The following CLSTN1 variants were observed in gnomAD, a reference collection of about 807,000 sequenced individuals.
The protein encoded by CLSTN1 is calsyntenin-1.
CLSTN1 carries 28 observed loss-of-function variants against 108.3 expected under a neutral mutation model. The observed-to-expected ratio is 0.26, with a 90% confidence interval of 0.19 to 0.35. CLSTN1 has a LOEUF of 0.35. CLSTN1 is among the 10% of genes least tolerant of loss of function. The pLI, the probability that CLSTN1 is intolerant of heterozygous loss-of-function variation, is 1.00. For synonymous variants in CLSTN1, 524 were observed against 534.9 expected, an observed-to-expected ratio of 0.98 and a Z score of 0.28; for missense variants, 1,157 against 1,302.6, an observed-to-expected ratio of 0.89 and a Z score of 1.72.
In CLSTN1 at chr1:9,730,744, GC is replaced by G; in HGVS notation, c.2749-40del. On this transcript the variant is annotated intron_variant, in intron 18 of 18. Transcript: ENST00000377298. The surrounding 1 kb of genome is among the most constrained non-coding windows in gnomAD (Gnocchi z 5.6). ...GTGACGGCCACATGAGTCCGGCCCT[GC>G]CCACAGCCCCGTCACCTGGCATTCT... 6.5e-7 allele frequency: 1 copy of G among 1,537,450 alleles called. No homozygotes were observed.
intron 7 of CLSTN1, 102 bp from the exon 8 acceptor site, chr1:9,744,745 G>T: frequency 7.4e-7 from 1 of 1,356,068 alleles, no homozygotes; most frequent in Non-Finnish European, 9.7e-7. Context: ...CAATCTGCTG[G>T]CTCCAGTTTA....
chr1:9,771,081 G>A (rs1485896527), intron 2 of CLSTN1, among the ~76,000 whole-genome samples: 1 of 152,198 alleles, frequency 6.6e-6, no homozygotes, highest in Non-Finnish European at 1.5e-5. Context: ...CAGGACTGCT[G>A]ATACTTCAAA....
At chr1:9,768,718 C>T (rs1652497870) in intron 2 of CLSTN1, among the ~76,000 whole-genome samples, 1 of 71,438 alleles carries the variant, frequency 1.4e-5, no homozygotes, top group Non-Finnish European at 2.6e-5. Context: ...CTGGGTGGCA[C>T]CATGGGGGTG....
At chr1:9,815,659 G>A (rs546881622) in intron 1 of CLSTN1, among the ~76,000 whole-genome samples, 56 of 152,270 alleles carry the variant, frequency 3.7e-4, no homozygotes, top group African/African-American at 1.3e-3. Context: ...AACACAGGCC[G>A]GGCATAGTGC....
chr1:9,761,067 A>C (rs1652048717), intron 2 of CLSTN1, among the ~76,000 whole-genome samples: 1 of 151,972 alleles, frequency 6.6e-6, no homozygotes, highest in African/African-American at 2.4e-5. Flanking sequence ...AGCTGAAGAC[A>C]CCCAACCAGG....
intron 5 of CLSTN1, 93 bp downstream of exon 5, chr1:9,751,380 A>G (rs1262616314): frequency 3.3e-6 from 4 of 1,210,606 alleles, no homozygotes; most frequent in Non-Finnish European, 4.8e-6. Flanking sequence ...GAGTTCCATG[A>G]AGTTCTGACG....
At chr1:9,746,096 C>T (rs998575831) in intron 7 of CLSTN1, among the ~76,000 whole-genome samples, 4 of 152,106 alleles carry the variant, frequency 2.6e-5, no homozygotes, top group Non-Finnish European at 5.9e-5. Flanking sequence ...ACAGATACAG[C>T]ATCACCTACT....
chr1:9,797,882 C>A (rs1179440177), intron 1 of CLSTN1, among the ~76,000 whole-genome samples: 1 of 151,684 alleles, frequency 6.6e-6, no homozygotes, highest in Non-Finnish European at 1.5e-5. Context: ...TCACTTGCGA[C>A]CAGGAGTTCG....
rs781523619 is a variant in CLSTN1, at chr1:9,731,248, G to A, written c.2706C>T (p.Asp902=). Residue 902 remains aspartate (D), a synonymous_variant, in exon 18 of 19, where the codon GAC becomes GAT. Coordinates refer to ENST00000377298, the MANE Select transcript of CLSTN1 (RefSeq NM_001009566.3). ...TGATGGTCAGGGCAGAGTCGTCCCA[G>A]TCCATCTCGTTCTCCTTCCCGGTGT... ...DQDTGKENEM[D]WDDSALTITV... is the part of the protein sequence containing the mutation. The A allele has an allele frequency of 6.2e-7, 1 of 1,614,244 alleles. No individual in the cohort carries two copies. The highest frequency in any genetic ancestry group is 1.1e-5 in the South Asian group (1 of 91,084).
chr1:9,784,006 T>C (rs1653366910), intron 1 of CLSTN1, among the ~76,000 whole-genome samples: 1 of 149,366 alleles, frequency 6.7e-6, no homozygotes, highest in South Asian at 2.1e-4. Context: ...AAAATAATAA[T>C]AATAATAATA....
intron 2 of CLSTN1, among the ~76,000 whole-genome samples, chr1:9,770,701 C>T (rs191481435): frequency 2.6e-5 from 4 of 152,310 alleles, no homozygotes; most frequent in African/African-American, 9.6e-5. Flanking sequence ...TTTATAAGTG[C>T]ATGCATTATT....
At chr1:9,812,418 GC>G (rs1227834269) in intron 1 of CLSTN1, among the ~76,000 whole-genome samples, 1 of 152,190 alleles carries the variant, frequency 6.6e-6, no homozygotes, top group African/African-American at 2.4e-5. Flanking sequence ...AGGACAAGCA[GC>G]TCTGGTGAAA....
At chr1:9,756,754 A>G (rs1289030644) in intron 2 of CLSTN1, among the ~76,000 whole-genome samples, 1 of 152,108 alleles carries the variant, frequency 6.6e-6, no homozygotes, top group Non-Finnish European at 1.5e-5. Context: ...TCCTACATGA[A>G]GTGTCCTAAC....
intron 10 of CLSTN1, among the ~76,000 whole-genome samples, chr1:9,739,388 G>A (rs1351137002): frequency 6.6e-6 from 1 of 152,148 alleles, no homozygotes; most frequent in Non-Finnish European, 1.5e-5. Context: ...TACCACTGGT[G>A]TTACTGTTTC....
At position 9,731,118 on chromosome 1, in the gene CLSTN1, G is replaced by A. The variant is rs1261757233; in HGVS notation, c.2748+88C>T. Reference sequence around the variant, plus strand: ...GCAGATGACGCGATGGAAAGCATGTGAACCTGAAGGAGCCGCGCCGTACCG... The same window carrying A: ...GCAGATGACGCGATGGAAAGCATGTAAACCTGAAGGAGCCGCGCCGTACCG... On this transcript the variant is annotated intron_variant, in intron 18 of 18. Coordinates refer to ENST00000377298, the MANE Select transcript of CLSTN1 (RefSeq NM_001009566.3). 2.0e-6 allele frequency: 3 copies of A among 1,477,522 alleles called. No homozygotes were observed. In the East Asian group the frequency reaches 6.8e-5, roughly 34 times the overall value. The allele number at this position is 1,477,522 out of a possible 1,614,324, so 91.5% of individuals were successfully genotyped here.
At chr1:9,773,422 G>C (rs1208008156) in intron 1 of CLSTN1, 28 bp from the exon 2 acceptor site, 2 of 1,569,240 alleles carry the variant, frequency 1.3e-6, no homozygotes, top group Non-Finnish European at 1.7e-6. Context: ...GAAAAAAATA[G>C]ACAAGGTTAG....
intron 1 of CLSTN1, among the ~76,000 whole-genome samples, chr1:9,779,277 T>C (rs1293367056): frequency 6.6e-6 from 1 of 152,064 alleles, no homozygotes. Context: ...ATTATCTTTT[T>C]AAAAAAATTT....
At chr1:9,741,883 G>A (rs1443616327) in intron 9 of CLSTN1, among the ~76,000 whole-genome samples, 3 of 152,234 alleles carry the variant, frequency 2.0e-5, no homozygotes, top group Non-Finnish European at 4.4e-5. Flanking sequence ...CTGCACTCCA[G>A]CCTGGGTGAC....
At chr1:9,753,942 AGCTGAGACCACAG>A (rs1374167174) in intron 4 of CLSTN1, among the ~76,000 whole-genome samples, 1 of 151,994 alleles carries the variant, frequency 6.6e-6, no homozygotes, top group Non-Finnish European at 1.5e-5. Context: ...CCTCCCAAGT[AGCTGAGACCACAG>A]GCATGTGCCA....
Sources: gnomAD v4.1 joint callset for allele counts (sites outside exome capture counted in the v4.1 genomes callset) on GRCh38, gnomAD v4.1.1 for gene constraint, Gnocchi (gnomAD v3.1) non-coding constraint, MANE v1.5 for transcripts, NCBI Gene and HGNC (gene_info 2026-07-23, HGNC 2026-07-21) for gene names.